Variants in SLC6A11 observed in about 807,000 individuals in gnomAD.
SLC6A11 encodes solute carrier family 6 member 11, also known as sodium- and chloride-dependent GABA transporter 3.
Under a neutral mutation model 74.8 loss-of-function variants are expected in SLC6A11, and 25 were observed. That is an observed-to-expected ratio of 0.33 (90% confidence interval 0.24 to 0.47). SLC6A11 has a LOEUF of 0.47. Among genes scored for constraint, SLC6A11 ranks in the 20% least tolerant of loss-of-function variants. The pLI, the probability that SLC6A11 is intolerant of heterozygous loss-of-function variation, is 1.00. For synonymous variants in SLC6A11, 330 were observed against 330.2 expected, an observed-to-expected ratio of 1.00 and a Z score of 0.01; for missense variants, 574 against 837.0, an observed-to-expected ratio of 0.69 and a Z score of 3.88.
intron 5 of SLC6A11, among the ~76,000 whole-genome samples, chr3:10,857,255 C>T (rs908693372): frequency 6.6e-6 from 1 of 152,078 alleles, no homozygotes; most frequent in Non-Finnish European, 1.5e-5. Context: ...GGGGCTAGAA[C>T]TGGACCTCAC....
chr3:10,884,153 C>T (rs1188027418), intron 6 of SLC6A11, among the ~76,000 whole-genome samples: 2 of 152,132 alleles, frequency 1.3e-5, no homozygotes, highest in Non-Finnish European at 2.9e-5. Context: ...ATCATGCACG[C>T]TTAAAGGTAG....
chr3:10,847,039 A>G (rs1241830656), intron 5 of SLC6A11, among the ~76,000 whole-genome samples: 1 of 152,202 alleles, frequency 6.6e-6, no homozygotes, highest in Non-Finnish European at 1.5e-5. Flanking sequence ...GTTAATATTT[A>G]TGAGTGGTTC....
At chr3:10,864,443 G>A (rs1575680618) in intron 5 of SLC6A11, among the ~76,000 whole-genome samples, 2 of 151,910 alleles carry the variant, frequency 1.3e-5, no homozygotes, top group East Asian at 4.0e-4. Flanking sequence ...TCAATGGAGA[G>A]CCCCCAAGCT....
At chr3:10,907,676 T>C (rs1695323393) in intron 6 of SLC6A11, among the ~76,000 whole-genome samples, 1 of 152,208 alleles carries the variant, frequency 6.6e-6, no homozygotes, top group African/African-American at 2.4e-5. Flanking sequence ...GCACCAGACC[T>C]TTCTACCACA....
intron 8 of SLC6A11, among the ~76,000 whole-genome samples, chr3:10,919,876 C>A (rs1001442402): frequency 1.3e-5 from 2 of 152,184 alleles, no homozygotes; most frequent in Non-Finnish European, 2.9e-5. Flanking sequence ...TAACTAAGGA[C>A]ACACAGGCTG....
chr3:10,863,108 A>C (rs188984011), intron 5 of SLC6A11, among the ~76,000 whole-genome samples: 23 of 152,366 alleles, frequency 1.5e-4, no homozygotes, highest in Admixed American at 3.3e-4. Flanking sequence ...TTTGCAGTCC[A>C]TGTAGGTCTT....
chr3:10,918,267 G>T lies in SLC6A11; in HGVS notation c.996-62G>T. On this transcript the variant is annotated intron_variant, in intron 7 of 13. Coordinates refer to ENST00000254488, the MANE Select transcript of SLC6A11 (RefSeq NM_014229.3). The surrounding 1 kb of genome is among the most constrained non-coding windows in gnomAD (Gnocchi z 4.5). ...CAGCCATGGTGCTCGGGTGGAGAAC[G>T]TTTGAGCCGTGCACCGGTTCTGCCC... 1 of 1,481,944 alleles carries T rather than the reference G, an allele frequency of 6.7e-7. No individual in the cohort carries two copies. The highest frequency in any genetic ancestry group is 2.5e-5 in the Admixed American group (1 of 39,648). The allele number at this position is 1,481,944 out of a possible 1,614,324, so 91.8% of individuals were successfully genotyped here.
chr3:10,887,241 A>T lies in SLC6A11; in HGVS notation c.891+12146A>T, dbSNP rs111253595. Among the ~76,000 whole-genome samples the T allele has an allele frequency of 7.2e-3, 1,096 of 151,816 alleles. 9 individuals are homozygous for T. Among genetic ancestry groups the T allele is most frequent in the African/African-American group, 0.022 (904 of 41,370 alleles). On this transcript the variant is annotated intron_variant, in intron 6 of 13. Transcript: ENST00000254488. ...AATGGGCAGATGGATAGATAGATGC[A>T]TGGATGGATGATGAATGGATGGATG...
Position 10,816,602 on chromosome 3 carries a change from C to T in SLC6A11, c.256+81C>T, listed in dbSNP as rs1694062703. Reference sequence around the variant, plus strand: ...GAGCCAGGGGCGAGCGCGAGACCCCCTCCCGCGCCTGCGTGGAGCGGAACC... The same window carrying T: ...GAGCCAGGGGCGAGCGCGAGACCCCTTCCCGCGCCTGCGTGGAGCGGAACC... On this transcript the variant is annotated intron_variant, in intron 1 of 13. Coordinates refer to ENST00000254488, the MANE Select transcript of SLC6A11 (RefSeq NM_014229.3). The surrounding 1 kb of genome is among the most constrained non-coding windows in gnomAD (Gnocchi z 4.2). 7.4e-7 allele frequency: 1 copy of T among 1,354,960 alleles called. No homozygotes were observed. Among genetic ancestry groups the T allele is most frequent in the Non-Finnish European group, 9.8e-7 (1 of 1,020,532 alleles). The allele number at this position is 1,354,960 out of a possible 1,614,324, so 83.9% of individuals were successfully genotyped here. A position where few individuals can be genotyped will look rare whatever the true frequency, so the allele number is the denominator to read the frequency against.
intron 4 of SLC6A11, among the ~76,000 whole-genome samples, chr3:10,836,397 T>A (rs1694367566): frequency 6.6e-6 from 1 of 152,210 alleles, no homozygotes; most frequent in South Asian, 2.1e-4. Flanking sequence ...ATTGCTGGGT[T>A]TTGTGTTTAA....
At chr3:10,818,802 G>A (rs1694098137) in intron 1 of SLC6A11, among the ~76,000 whole-genome samples, 1 of 152,186 alleles carries the variant, frequency 6.6e-6, no homozygotes, top group South Asian at 2.1e-4. Flanking sequence ...CAGGAAATGG[G>A]TATTGTGTTT....
chr3:10,851,584 G>T (rs1176273371), intron 5 of SLC6A11, among the ~76,000 whole-genome samples: 2 of 152,230 alleles, frequency 1.3e-5, no homozygotes, highest in African/African-American at 4.8e-5. Flanking sequence ...CAAGGCCAAG[G>T]CCTGAGTGGC....
At chr3:10,907,701 A>G (rs1051167193) in intron 6 of SLC6A11, among the ~76,000 whole-genome samples, 8 of 152,226 alleles carry the variant, frequency 5.3e-5, no homozygotes, top group African/African-American at 1.7e-4. Context: ...TTTGTGCCAG[A>G]AGGCAACTAA....
chr3:10,935,662 G>A (rs1695752086), intron 13 of SLC6A11, among the ~76,000 whole-genome samples: 1 of 152,208 alleles, frequency 6.6e-6, no homozygotes, highest in South Asian at 2.1e-4. Context: ...GCAGTTAGCA[G>A]GCAGAGGAAA....
chr3:10,914,922 C>T (rs918194577), intron 7 of SLC6A11, among the ~76,000 whole-genome samples: 5 of 152,160 alleles, frequency 3.3e-5, no homozygotes, highest in African/African-American at 9.7e-5. Context: ...CTGTCCCCTC[C>T]AGCTAGGCTG....
At chr3:10,881,823 C>T (rs983069346) in intron 6 of SLC6A11, among the ~76,000 whole-genome samples, 1 of 152,184 alleles carries the variant, frequency 6.6e-6, no homozygotes, top group South Asian at 2.1e-4. Flanking sequence ...CCCTGTGGCC[C>T]GTCCATGATC....
chr3:10,840,172 G>A (rs1453072983), intron 4 of SLC6A11, among the ~76,000 whole-genome samples: 1 of 152,096 alleles, frequency 6.6e-6, no homozygotes, highest in Non-Finnish European at 1.5e-5. Context: ...TCTAGCCCCT[G>A]CTCCCCATGT....
intron 7 of SLC6A11, among the ~76,000 whole-genome samples, chr3:10,913,362 A>G (rs938586550): frequency 6.6e-6 from 1 of 152,208 alleles, no homozygotes; most frequent in African/African-American, 2.4e-5. Context: ...AAACTATTCA[A>G]AATAACCACC....
At position 10,926,015 on chromosome 3, in the gene SLC6A11, G is replaced by A. The variant is rs1460139306; in HGVS notation, c.1132G>A (p.Ala378Thr). The change falls in exon 9 of 14, where the codon GCC (alanine) becomes ACC (threonine). Residue 378 changes from alanine (A) to threonine (T), a missense_variant. Physicochemically the swap from Ala to Thr is moderately conservative, Grantham distance 58. This residue lies in a region of SLC6A11 where 257 missense variants were observed against 341.5 expected (regional missense o/e 0.75). Transcript: ENST00000254488. This position sits in a 1 kb window ranked among gnomAD's most constrained non-coding sequence, Gnocchi z 5.7. ...AEVAESGPGL[A>T]FIAYPKAVTM... ...CTCCCTCGCTCCAGGCCCCGGCCTG[G>A]CCTTTATTGCGTACCCCAAGGCGGT... The A allele has an allele frequency of 6.2e-7, 1 of 1,609,100 alleles. No homozygotes were observed. The highest frequency in any genetic ancestry group is 1.7e-5 in the Admixed American group (1 of 59,810).
Sources: allele counts gnomAD v4.1 joint callset (sites outside exome capture counted in the v4.1 genomes callset), GRCh38; gene constraint gnomAD v4.1.1; regional missense constraint gnomAD v4.1.1; non-coding constraint Gnocchi (gnomAD v3.1); transcripts MANE v1.5; gene names NCBI Gene and HGNC (gene_info 2026-07-23, HGNC 2026-07-21).